CLIC5: variants seen among roughly 807,000 people sequenced by gnomAD.
The protein encoded by CLIC5 is CLIC family member 5, also known as chloride intracellular channel protein 5.
Under a neutral mutation model 24.7 loss-of-function variants are expected in CLIC5, and 20 were observed. The observed-to-expected ratio is 0.81, with a 90% CI of 0.57 to 1.18. The LOEUF is 1.18. Ranked by LOEUF, CLIC5 falls within the 50% of genes most tolerant of loss-of-function variation. The pLI is 0.00. For synonymous variants in CLIC5, 159 were observed against 135.6 expected, an observed-to-expected ratio of 1.17 and a Z score of -1.20; for missense variants, 341 against 326.1, an observed-to-expected ratio of 1.05 and a Z score of -0.35.
chr6:46,104,982 T>C, the CLIC5 span, among the ~76,000 whole-genome samples: 4 of 152,158 alleles, frequency 2.6e-5, no homozygotes, highest in African/African-American at 7.2e-5. Flanking sequence ...CAATCTCTTT[T>C]GGTTTGAAGT....
the CLIC5 span, among the ~76,000 whole-genome samples, chr6:46,121,999 C>T: frequency 6.6e-6 from 1 of 152,204 alleles, no homozygotes; most frequent in African/African-American, 2.4e-5. Flanking sequence ...TAACACCCCA[C>T]TGTCAACATT....
the CLIC5 span, among the ~76,000 whole-genome samples, chr6:46,093,226 AC>A: frequency 1.3e-5 from 2 of 152,086 alleles, no homozygotes; most frequent in African/African-American, 4.8e-5. Context: ...CTCCACTTAT[AC>A]CTGGTCCCGG....
At chr6:46,076,221 C>G (rs761214291) in intron 1 of CLIC5, among the ~76,000 whole-genome samples, 7 of 152,314 alleles carry the variant, frequency 4.6e-5, no homozygotes, top group Admixed American at 1.3e-4. Flanking sequence ...AGCCTCATCT[C>G]CTACCACCTT....
intron 5 of CLIC5, 80 bp from the exon 6 acceptor site, chr6:45,903,335 T>C: frequency 1.5e-6 from 2 of 1,346,890 alleles, no homozygotes; most frequent in Non-Finnish European, 1.0e-6. Context: ...CGTCCCAGTG[T>C]GTGTGCACTG....
intron 1 of CLIC5, among the ~76,000 whole-genome samples, chr6:46,057,426 A>T (rs1768290982): frequency 6.6e-6 from 1 of 152,182 alleles, no homozygotes; most frequent in Non-Finnish European, 1.5e-5. Context: ...GCCATGTGGA[A>T]CTGTAAGTCC....
the CLIC5 span, among the ~76,000 whole-genome samples, chr6:46,119,881 G>A: frequency 6.6e-6 from 1 of 152,214 alleles, no homozygotes; most frequent in Non-Finnish European, 1.5e-5. Flanking sequence ...CAGCGAGGGT[G>A]GGGGAGGGGT....
At chr6:46,009,350 A>G (rs948749213) in intron 1 of CLIC5, among the ~76,000 whole-genome samples, 2 of 152,160 alleles carry the variant, frequency 1.3e-5, no homozygotes, top group African/African-American at 2.4e-5. Flanking sequence ...CTTGAAAGAA[A>G]AGACACGTTT....
chr6:46,018,068 A>G (rs73462563), upstream of CLIC5, among the ~76,000 whole-genome samples: 1,849 of 152,274 alleles, frequency 0.012, 41 homozygotes, highest in African/African-American at 0.043. Flanking sequence ...ATGACTACAT[A>G]CTTTAGGGAA....
chr6:45,968,738 G>A (rs1765097426), intron 1 of CLIC5, among the ~76,000 whole-genome samples: 2 of 152,220 alleles, frequency 1.3e-5, no homozygotes, highest in African/African-American at 2.4e-5. Flanking sequence ...TAATATGAGT[G>A]CTATGAATTT....
At chr6:45,927,339 C>T (rs562124568) in intron 4 of CLIC5, among the ~76,000 whole-genome samples, 3 of 152,240 alleles carry the variant, frequency 2.0e-5, no homozygotes, top group Admixed American at 2.0e-4. Flanking sequence ...GTCCGAATCG[C>T]CTGGGAGCTC....
At chr6:46,106,713 G>A in the CLIC5 span, among the ~76,000 whole-genome samples, 1 of 152,106 alleles carries the variant, frequency 6.6e-6, no homozygotes, top group African/African-American at 2.4e-5. Context: ...ATGTTACCTT[G>A]GCATTTATTT....
chr6:45,973,785 C>T lies in CLIC5; in HGVS notation c.64-18541G>A, dbSNP rs141081045. On this transcript the variant is annotated intron_variant, in intron 1 of 5. Transcript: ENST00000339561. ...AACCCCATCTCTACTAAAAAATTAG[C>T]TGGGGGTGGTGGCACATGCCTGTAG... is the stretch of plus-strand genomic sequence containing the variant. Among the ~76,000 whole-genome samples the T allele has an allele frequency of 2.2e-3, 339 of 152,190 alleles. 5 individuals are homozygous for T. The highest frequency in any genetic ancestry group is 7.1e-3 in the African/African-American group (293 of 41,530).
At chr6:46,124,259 A>G in the CLIC5 span, among the ~76,000 whole-genome samples, 1 of 152,234 alleles carries the variant, frequency 6.6e-6, no homozygotes, top group Non-Finnish European at 1.5e-5. Flanking sequence ...AACAGAACAG[A>G]GCCCTCAGAA....
chr6:46,036,960 C>T (rs766865564), intron 1 of CLIC5, among the ~76,000 whole-genome samples: 5 of 152,020 alleles, frequency 3.3e-5, no homozygotes, highest in Admixed American at 2.0e-4. Flanking sequence ...AGTTGAAACA[C>T]CAATTTTGAG....
chr6:46,089,065 T>C, the CLIC5 span, among the ~76,000 whole-genome samples: 1 of 152,200 alleles, frequency 6.6e-6, no homozygotes, highest in African/African-American at 2.4e-5. Context: ...AATTGATCTA[T>C]GCATATTTAA....
chr6:45,988,721 A>G (rs1765826548), intron 1 of CLIC5, among the ~76,000 whole-genome samples: 1 of 152,240 alleles, frequency 6.6e-6, no homozygotes, highest in South Asian at 2.1e-4. Flanking sequence ...TCACAGCATA[A>G]GCATTTTGAG....
chr6:46,101,226 T>A, the CLIC5 span, among the ~76,000 whole-genome samples: 1 of 152,200 alleles, frequency 6.6e-6, no homozygotes, highest in Non-Finnish European at 1.5e-5. Flanking sequence ...AAGAAGCCTA[T>A]ACAAACATGC....
chr6:46,050,243 C>A (rs892520860), intron 1 of CLIC5, among the ~76,000 whole-genome samples: 20 of 152,208 alleles, frequency 1.3e-4, no homozygotes, highest in Non-Finnish European at 2.5e-4. Flanking sequence ...ACTGTACCTG[C>A]AGCTGTGGAC....
Position 45,914,358 on chromosome 6 carries a change from T to C in CLIC5, c.458A>G (p.Asn153Ser). The change falls in exon 5 of 6, where the codon AAC becomes AGC. Residue 153 changes from asparagine (N) to serine (S), a missense_variant. Coordinates refer to ENST00000339561, the MANE Select transcript of CLIC5 (RefSeq NM_016929.5). Reference sequence around the variant, plus strand: ...GTCAATCTCCTCTGGTAGAGGGGTGTTCAGGTAGTCATCCAATTTCTTTAG... The same window carrying C: ...GTCAATCTCCTCTGGTAGAGGGGTGCTCAGGTAGTCATCCAATTTCTTTAG... ...KALKKLDDYLNTPLPEEIDAN... is the reference protein window; with the variant it reads ...KALKKLDDYLSTPLPEEIDAN... 1 of 1,602,342 alleles carries C rather than the reference T, an allele frequency of 6.2e-7. No individual in the cohort carries two copies. Among genetic ancestry groups the C allele is most frequent in the African/African-American group, 1.3e-5 (1 of 74,890 alleles).
Sources: gnomAD v4.1 joint callset for allele counts (sites outside exome capture counted in the v4.1 genomes callset) on GRCh38, gnomAD v4.1.1 for gene constraint, MANE v1.5 for transcripts, NCBI Gene and HGNC (gene_info 2026-07-23, HGNC 2026-07-21) for gene names.